Variants in WDFY4 observed in about 807,000 individuals in gnomAD.
WDFY4 encodes the protein WDFY family member 4, also known as WD repeat- and FYVE domain-containing protein 4.
A neutral mutation model predicts 351.9 loss-of-function variants in WDFY4; 169 were observed. The observed-to-expected ratio is 0.48, with a 90% CI of 0.42 to 0.55. The LOEUF (loss-of-function observed/expected upper bound fraction) is 0.55, where lower values mean the gene tolerates loss of function less well. Ranked by LOEUF, WDFY4 falls within the 20% of genes least tolerant of loss-of-function variation. WDFY4 has a pLI of 0.00. For missense variants in WDFY4, 3,803 were observed against 3,935.6 expected, an observed-to-expected ratio of 0.97 and a Z score of 0.90; for synonymous variants, 1,622 against 1,574.6, an observed-to-expected ratio of 1.03 and a Z score of -0.71.
At chr10:48,875,433 G>T (rs530894291) in intron 42 of WDFY4, among the ~76,000 whole-genome samples, 1 of 152,260 alleles carries the variant, frequency 6.6e-6, no homozygotes, top group African/African-American at 2.4e-5. Flanking sequence ...AACAATTTTT[G>T]AGACAGGGTC....
At chr10:48,933,730 G>C (rs1194091633) in intron 47 of WDFY4, among the ~76,000 whole-genome samples, 1 of 152,216 alleles carries the variant, frequency 6.6e-6, no homozygotes, top group Non-Finnish European at 1.5e-5. Flanking sequence ...ATTGGCAATG[G>C]GCTGAGAGTT....
intron 5 of WDFY4, among the ~76,000 whole-genome samples, chr10:48,725,466 C>G (rs1293210732): frequency 6.6e-6 from 1 of 152,190 alleles, no homozygotes; most frequent in East Asian, 1.9e-4. Flanking sequence ...TTTATGCTGA[C>G]TCTTGTGGTC....
At chr10:48,873,325 G>C (rs2069857204) in intron 40 of WDFY4, among the ~76,000 whole-genome samples, 166 bp from the exon 41 acceptor site, 1 of 152,212 alleles carries the variant, frequency 6.6e-6, no homozygotes, top group African/African-American at 2.4e-5. Flanking sequence ...TTTCCTTATA[G>C]TCCTGGCTGC....
chr10:48,857,427 A>T (rs1418623013), intron 39 of WDFY4, among the ~76,000 whole-genome samples: 1 of 152,068 alleles, frequency 6.6e-6, no homozygotes, highest in Non-Finnish European at 1.5e-5. Flanking sequence ...ATTTGTGCCA[A>T]GGCATTAGTT....
At chr10:48,892,766 G>A (rs1173964500) in intron 44 of WDFY4, among the ~76,000 whole-genome samples, 2 of 152,192 alleles carry the variant, frequency 1.3e-5, no homozygotes, top group Admixed American at 1.3e-4. Flanking sequence ...GAGCCTGTCC[G>A]ATGTACCATA....
rs1841981310 is a variant in WDFY4 at position 48,964,189 on chromosome 10, A to T, written c.8436+135A>T. Reference sequence around the variant, plus strand: ...CCCCCATCATCTTCCTGTGCTTTCAATATCAGGCTTAACCCTCAGTTACCA... The same window carrying T: ...CCCCCATCATCTTCCTGTGCTTTCATTATCAGGCTTAACCCTCAGTTACCA... On this transcript the variant is annotated intron_variant, in intron 54 of 61. Transcript: ENST00000325239. 1.0e-5 allele frequency: 10 copies of T among 1,000,988 alleles called. No individual in the cohort carries two copies. The South Asian group carries it at 1.3e-4, about 13-fold the overall frequency. The allele number at this position is 1,000,988 out of a possible 1,614,324, so 62.0% of individuals were successfully genotyped here.
At chr10:48,831,958 G>T (rs943596814) in intron 38 of WDFY4, among the ~76,000 whole-genome samples, 21 of 152,214 alleles carry the variant, frequency 1.4e-4, no homozygotes, top group African/African-American at 4.8e-4. Context: ...CCACTTCTTA[G>T]TACCACCACA....
At chr10:48,970,047 TG>T in intron 56 of WDFY4, 83 bp from the exon 57 acceptor site, 1 of 1,466,098 alleles carries the variant, frequency 6.8e-7, no homozygotes. Context: ...GCACTCAGAC[TG>T]GCCCACATAC....
chr10:48,698,348 G>T (rs967208923), intron 1 of WDFY4, among the ~76,000 whole-genome samples: 4 of 152,200 alleles, frequency 2.6e-5, no homozygotes, highest in African/African-American at 9.7e-5. Context: ...AGGGCTTGAA[G>T]CTTGTGGCTG....
At chr10:48,704,426 C>T (rs538772826) in intron 1 of WDFY4, among the ~76,000 whole-genome samples, 63 of 152,222 alleles carry the variant, frequency 4.1e-4, no homozygotes, top group African/African-American at 1.4e-3. Flanking sequence ...AGCTGGGACA[C>T]AGCACGGCCG....
At position 48,822,502 on chromosome 10, in the gene WDFY4, C is replaced by A; in HGVS notation, c.5947C>A (p.His1983Asn). The change falls in exon 35 of 62, where the codon CAT becomes AAT. Residue 1983 changes from histidine to asparagine, a missense_variant. Physicochemically the swap from His to Asn is moderately conservative, Grantham distance 68. Transcript: ENST00000325239. ...YSGMFSADPR[H>N]ILLFILEHIM... ...TGGGATGTTCTCGGCAGACCCCAGG[C>A]ATATCCTCCTCTTCATCCTGGAGCA... The A allele has an allele frequency of 6.5e-7, 1 of 1,548,926 alleles. No individual in the cohort carries two copies.
At chr10:48,743,601 T>A in intron 12 of WDFY4, 53 bp downstream of exon 12, 1 of 1,489,674 alleles carries the variant, frequency 6.7e-7, no homozygotes, top group Non-Finnish European at 9.0e-7. Context: ...CCATTCTCAC[T>A]CTAACGTCTT....
intron 39 of WDFY4, among the ~76,000 whole-genome samples, chr10:48,833,167 G>GTT (rs2068253142): frequency 7.4e-6 from 1 of 134,358 alleles, no homozygotes; most frequent in Non-Finnish European, 1.6e-5. Context: ...GTGTGTGTGT[G>GTT]TGTGTGAGAG....
At chr10:48,745,634 T>G in intron 12 of WDFY4, 1 of 557,474 alleles carries the variant, frequency 1.8e-6, no homozygotes, top group Non-Finnish European at 3.4e-6. Context: ...TATTTCTTCT[T>G]CTGGTAGTGG....
intron 39 of WDFY4, among the ~76,000 whole-genome samples, chr10:48,859,613 T>C (rs2133216319): frequency 6.6e-6 from 1 of 152,350 alleles, no homozygotes; most frequent in Non-Finnish European, 1.5e-5. Flanking sequence ...TCTTGAATTC[T>C]GTTTGTTAAT....
At chr10:48,951,367 G>T (rs912285787) in intron 51 of WDFY4, among the ~76,000 whole-genome samples, 1 of 152,152 alleles carries the variant, frequency 6.6e-6, no homozygotes, top group African/African-American at 2.4e-5. Flanking sequence ...GTCTGCCAGG[G>T]CAGAGGGCTT....
intron 24 of WDFY4, among the ~76,000 whole-genome samples, chr10:48,803,020 A>T (rs767895955): frequency 2.0e-5 from 3 of 152,064 alleles, no homozygotes; most frequent in Non-Finnish European, 4.4e-5. Context: ...GATGGGGGAG[A>T]TGGTTAGTGC....
intron 43 of WDFY4, among the ~76,000 whole-genome samples, chr10:48,887,505 G>A (rs576757613): frequency 6.6e-6 from 1 of 152,198 alleles, no homozygotes; most frequent in Admixed American, 6.5e-5. Context: ...CAGGCCAGGC[G>A]CGGTGGCTCA....
chr10:48,818,656 A>C (rs954535004), intron 32 of WDFY4, among the ~76,000 whole-genome samples: 2 of 152,252 alleles, frequency 1.3e-5, no homozygotes, highest in Non-Finnish European at 1.5e-5. Context: ...TTTTCATTAC[A>C]GTCAGTTTAA....
Sources: gnomAD v4.1 joint callset for allele counts (sites outside exome capture counted in the v4.1 genomes callset) on GRCh38, gnomAD v4.1.1 for gene constraint, MANE v1.5 for transcripts, NCBI Gene and HGNC (gene_info 2026-07-23, HGNC 2026-07-21) for gene names.